BCL2: variants seen among roughly 807,000 people sequenced by gnomAD.
The protein encoded by BCL2 is apoptosis regulator Bcl-2.
Under a neutral mutation model 14.2 loss-of-function variants are expected in BCL2, and 1 was observed. The ratio of observed to expected loss-of-function variants is 0.07; its 90% CI spans 0.02 to 0.33. The LOEUF is 0.33. BCL2 is among the 10% of genes least tolerant of loss of function. The pLI is 0.99. For synonymous variants in BCL2, 151 were observed against 137.2 expected (o/e 1.10, Z -0.70); for missense variants, 247 against 305.9 (o/e 0.81, Z 1.44).
chr18:63,300,156 A>G (rs1056788502), intron 2 of BCL2, among the ~76,000 whole-genome samples: 3 of 152,206 alleles, frequency 2.0e-5, no homozygotes, highest in African/African-American at 4.8e-5. Flanking sequence ...ATATGTGTAC[A>G]ACTTAATTTA....
rs969278050 is a variant in BCL2, at chr18:63,201,554, A to G, written c.586-72795T>C. Reference sequence around the variant, plus strand: ...TATGTTTGTTGTGGCACTATTCACAATAGCGACGACTTGGAACCAACCCAA... The same window carrying G: ...TATGTTTGTTGTGGCACTATTCACAGTAGCGACGACTTGGAACCAACCCAA... On this transcript the variant is annotated intron_variant, in intron 2 of 2. Transcript: ENST00000333681. Among the ~76,000 whole-genome samples, 4 of 152,222 alleles carry G rather than the reference A, an allele frequency of 2.6e-5. No individual in the cohort carries two copies. In the South Asian group the frequency reaches 8.3e-4, roughly 32 times the overall value.
intron 2 of BCL2, among the ~76,000 whole-genome samples, chr18:63,303,150 C>T (rs1394066413): frequency 8.5e-5 from 13 of 152,052 alleles, no homozygotes; most frequent in Admixed American, 8.5e-4. Flanking sequence ...CTTTCCCCAC[C>T]TTTTTATTAA....
At chr18:63,199,832 T>C (rs994207132) in intron 2 of BCL2, among the ~76,000 whole-genome samples, 3 of 152,112 alleles carry the variant, frequency 2.0e-5, no homozygotes, top group Non-Finnish European at 1.5e-5. Flanking sequence ...TAATCTCTTA[T>C]TTCCTTTTTC....
intron 2 of BCL2, among the ~76,000 whole-genome samples, chr18:63,155,002 C>G (rs961253241): frequency 6.6e-6 from 1 of 152,212 alleles, no homozygotes; most frequent in Admixed American, 6.5e-5. Context: ...GGGTAAGGAG[C>G]CTAGAACGTT....
At chr18:63,227,115 T>C (rs1910571593) in intron 2 of BCL2, among the ~76,000 whole-genome samples, 1 of 152,114 alleles carries the variant, frequency 6.6e-6, no homozygotes, top group Non-Finnish European at 1.5e-5. Context: ...AATGACAGCC[T>C]GAAGCAGACT....
chr18:63,294,348 G>A (rs1035303358), intron 2 of BCL2, among the ~76,000 whole-genome samples: 6 of 152,014 alleles, frequency 3.9e-5, no homozygotes, highest in African/African-American at 1.4e-4. Flanking sequence ...CTGCATTTAC[G>A]AAACCCAATT....
chr18:63,281,727 A>G (rs377402418), intron 2 of BCL2, among the ~76,000 whole-genome samples: 1 of 149,476 alleles, frequency 6.7e-6, no homozygotes, highest in Non-Finnish European at 1.5e-5. Flanking sequence ...AAAGAAAGAA[A>G]GAAAGAAAGA....
intron 2 of BCL2, among the ~76,000 whole-genome samples, chr18:63,273,798 T>C (rs567410645): frequency 1.3e-5 from 2 of 152,194 alleles, no homozygotes; most frequent in Non-Finnish European, 2.9e-5. Context: ...TACTGCGTTG[T>C]CTGAACTTCA....
chr18:63,202,169 C>T (rs1909713524), intron 2 of BCL2, among the ~76,000 whole-genome samples: 1 of 151,994 alleles, frequency 6.6e-6, no homozygotes, highest in Non-Finnish European at 1.5e-5. Flanking sequence ...ATTAGCCAGG[C>T]ATGGTGGTGC....
chr18:63,198,305 GAC>G (rs1160537010), intron 2 of BCL2, among the ~76,000 whole-genome samples: 2 of 128,762 alleles, frequency 1.6e-5, no homozygotes, highest in Non-Finnish European at 3.3e-5. Flanking sequence ...GACACACACA[GAC>G]ACACACTGAC....
intron 2 of BCL2, among the ~76,000 whole-genome samples, chr18:63,157,675 A>G (rs1249394471): frequency 6.6e-6 from 1 of 152,188 alleles, no homozygotes; most frequent in African/African-American, 2.4e-5. Flanking sequence ...AGAGAACACT[A>G]TGTGGTCTCT....
rs138120279 is a variant in BCL2 at position 63,249,126 on chromosome 18, GCTTTTCAGAAAC to G, written c.585+68944_585+68955del. Among the ~76,000 whole-genome samples, 561 of 152,282 alleles carry G rather than the reference GCTTTTCAGAAAC, an allele frequency of 3.7e-3. 2 individuals are homozygous for G. The highest frequency in any genetic ancestry group is 0.013 in the African/African-American group (539 of 41,552). On this transcript the variant is annotated intron_variant, in intron 2 of 2. Transcript: ENST00000333681. Reference sequence around the variant, plus strand: ...CTGGTGAAGTTAGCATTTCCCAAATGCTTTTCAGAAACCTTTTTTCAATTAACATCTATTCCC... The same window carrying G: ...CTGGTGAAGTTAGCATTTCCCAAATGCTTTTTTCAATTAACATCTATTCCC...
intron 2 of BCL2, among the ~76,000 whole-genome samples, chr18:63,310,326 T>G (rs944896651): frequency 6.6e-6 from 1 of 152,166 alleles, no homozygotes; most frequent in Non-Finnish European, 1.5e-5. Flanking sequence ...CAAATCAGAC[T>G]CTCCACAATT....
In BCL2 at chr18:63,318,530, G is replaced by A. The variant is rs369277721; in HGVS notation, c.137C>T (p.Pro46Leu). Residue 46 changes from proline to leucine, a missense_variant, in exon 2 of 3, where the codon CCG becomes CTG. Transcript: ENST00000333681. The surrounding 1 kb of genome is among the most constrained non-coding windows in gnomAD (Gnocchi z 7.4). The part of the protein sequence containing the change: ...GAAPPGAAPA[P>L]GIFSSQPGHT... ...CCCGGGCTGGGAGGAGAAGATGCCC[G>A]GTGCGGGGGCGGCCCCCGGGGGCGC... 25 of 1,576,856 alleles carry A rather than the reference G, an allele frequency of 1.6e-5. No individual in the cohort carries two copies. Among genetic ancestry groups the A allele is most frequent in the Non-Finnish European group, 2.1e-5 (25 of 1,166,508 alleles).
chr18:63,128,643 G>A lies in BCL2; in HGVS notation c.702C>T (p.Ala234=), dbSNP rs537410586. The change falls in exon 3 of 3, where the codon GCC becomes GCT. Residue 234 remains alanine (A), a synonymous_variant. Transcript: ENST00000333681. The part of the protein sequence containing the change: ...ALVGACITLG[A]YLGHK ...GTTGACTTCACTTGTGGCCCAGATA[G>A]GCACCCAGGGTGATGCAAGCTCCCA... The A allele has an allele frequency of 5.1e-6, 4 of 780,952 alleles. No homozygotes were observed. Among genetic ancestry groups the A allele is most frequent in the Non-Finnish European group, 7.2e-6 (3 of 418,066 alleles). 48.4% of individuals were successfully genotyped at this position (780,952 alleles called of 1,614,324 possible).
intron 2 of BCL2, among the ~76,000 whole-genome samples, chr18:63,277,201 T>C (rs1912178468): frequency 1.3e-5 from 2 of 152,166 alleles, no homozygotes; most frequent in East Asian, 1.9e-4. Context: ...TTTCTTCCTA[T>C]AGAATTTATC....
intron 2 of BCL2, among the ~76,000 whole-genome samples, chr18:63,220,018 T>C (rs1910342712): frequency 6.6e-6 from 1 of 152,216 alleles, no homozygotes. Flanking sequence ...ATGAAGGCAT[T>C]TGTTACTCAG....
chr18:63,135,694 G>A (rs1914189909), intron 2 of BCL2, among the ~76,000 whole-genome samples: 2 of 152,022 alleles, frequency 1.3e-5, no homozygotes, highest in African/African-American at 2.4e-5. Context: ...ACCTTCCTCC[G>A]TCAATTGTCC....
intron 2 of BCL2, among the ~76,000 whole-genome samples, chr18:63,288,507 G>A (rs1912537335): frequency 6.6e-6 from 1 of 152,180 alleles, no homozygotes; most frequent in South Asian, 2.1e-4. Context: ...GCAACCAAGG[G>A]AAGATGGGCA....
Sources: gnomAD v4.1 joint callset for allele counts (sites outside exome capture counted in the v4.1 genomes callset) on GRCh38, gnomAD v4.1.1 for gene constraint, Gnocchi (gnomAD v3.1) non-coding constraint, MANE v1.5 for transcripts, NCBI Gene and HGNC (gene_info 2026-07-23, HGNC 2026-07-21) for gene names.